CNTNAP5: variants seen among roughly 807,000 people sequenced by gnomAD.
CNTNAP5 encodes contactin-associated protein-like 5.
A neutral mutation model predicts 150.2 loss-of-function variants in CNTNAP5; 72 were observed. The observed-to-expected ratio is 0.48, with a 90% CI of 0.40 to 0.58. CNTNAP5 has a LOEUF of 0.58. Among genes scored for constraint, CNTNAP5 ranks in the 20% least tolerant of loss-of-function variants. CNTNAP5 has a pLI of 0.00. For synonymous variants in CNTNAP5, 672 were observed against 619.8 expected (o/e 1.08, Z -1.25); for missense variants, 1,636 against 1,626.2 (o/e 1.01, Z -0.10).
chr2:124,776,853 TG>T (rs1240882481), intron 17 of CNTNAP5, among the ~76,000 whole-genome samples: 1 of 152,222 alleles, frequency 6.6e-6, no homozygotes, highest in Admixed American at 6.5e-5. Flanking sequence ...AAGAAATAAT[TG>T]TTTTTTTAAC....
intron 6 of CNTNAP5, among the ~76,000 whole-genome samples, chr2:124,472,815 A>C (rs1372073127): frequency 6.6e-6 from 1 of 151,980 alleles, no homozygotes; most frequent in Non-Finnish European, 1.5e-5. Flanking sequence ...AATAAAGCTA[A>C]CACAGAGACA....
chr2:124,483,573 G>A (rs964991242), intron 7 of CNTNAP5, among the ~76,000 whole-genome samples: 2 of 152,140 alleles, frequency 1.3e-5, no homozygotes, highest in African/African-American at 4.8e-5. Context: ...TGTTGAATGT[G>A]CTGTCTGCCC....
At chr2:124,611,018 C>T (rs1009922867) in intron 12 of CNTNAP5, among the ~76,000 whole-genome samples, 1 of 129,546 alleles carries the variant, frequency 7.7e-6, no homozygotes, top group Non-Finnish European at 1.8e-5. Context: ...AATTGGCACA[C>T]GCACATTTTT....
intron 3 of CNTNAP5, among the ~76,000 whole-genome samples, chr2:124,278,003 G>T (rs1687924543): frequency 6.6e-6 from 1 of 152,152 alleles, no homozygotes; most frequent in Admixed American, 6.6e-5. Context: ...TAAGCTATCA[G>T]TGCCAGTTCC....
chr2:124,794,026 A>T (rs1240373740), intron 18 of CNTNAP5, among the ~76,000 whole-genome samples: 1 of 152,218 alleles, frequency 6.6e-6, no homozygotes, highest in Non-Finnish European at 1.5e-5. Flanking sequence ...TATAACTAAG[A>T]TAATTTTGCC....
intron 16 of CNTNAP5, among the ~76,000 whole-genome samples, chr2:124,765,025 C>A (rs576583705): frequency 6.6e-6 from 1 of 151,900 alleles, no homozygotes; most frequent in Non-Finnish European, 1.5e-5. Flanking sequence ...GTCCATTTAT[C>A]TTATATTGAG....
intron 21 of CNTNAP5, among the ~76,000 whole-genome samples, chr2:124,877,821 C>A (rs575892907): frequency 4.6e-5 from 7 of 151,958 alleles, no homozygotes; most frequent in Non-Finnish European, 1.0e-4. Context: ...CATGCTAATA[C>A]CAATAGTATC....
intron 12 of CNTNAP5, among the ~76,000 whole-genome samples, chr2:124,643,434 A>T (rs1573517804): frequency 6.6e-6 from 1 of 152,204 alleles, no homozygotes; most frequent in African/African-American, 2.4e-5. Flanking sequence ...AAGGAATTTC[A>T]GGAAATGCAA....
At chr2:124,066,491 C>T (rs958655167) in intron 1 of CNTNAP5, among the ~76,000 whole-genome samples, 1 of 152,026 alleles carries the variant, frequency 6.6e-6, no homozygotes, top group African/African-American at 2.4e-5. Flanking sequence ...GGCATACATT[C>T]TTCTATGTGG....
intron 9 of CNTNAP5, among the ~76,000 whole-genome samples, chr2:124,524,804 A>G (rs906529960): frequency 6.6e-6 from 1 of 152,210 alleles, no homozygotes. Context: ...AAAGTGTATC[A>G]AGAGTCAGCA....
At chr2:124,832,515 A>T (rs369961614) in intron 19 of CNTNAP5, among the ~76,000 whole-genome samples, 5 of 152,166 alleles carry the variant, frequency 3.3e-5, no homozygotes, top group Non-Finnish European at 5.9e-5. Flanking sequence ...TTTTTCCATG[A>T]CTAAACTTTA....
intron 7 of CNTNAP5, among the ~76,000 whole-genome samples, chr2:124,475,923 T>G (rs1693628943): frequency 6.6e-6 from 1 of 152,104 alleles, no homozygotes; most frequent in Admixed American, 6.6e-5. Flanking sequence ...CCTGTTTATT[T>G]TGTTTCCTGG....
chr2:124,685,045 A>G (rs1679159454), intron 13 of CNTNAP5, among the ~76,000 whole-genome samples: 1 of 152,092 alleles, frequency 6.6e-6, no homozygotes, highest in Non-Finnish European at 1.5e-5. Context: ...CATGCCTGCC[A>G]TAGGAATTAA....
chr2:124,026,292 C>T lies in CNTNAP5; in HGVS notation c.82+560C>T, dbSNP rs1033200802. ...GGAGTTTTGGCCTAAGAGTCATGGA[C>T]CAATGTTGTTAACCACAAGATCAAT... On this transcript the variant is annotated intron_variant, in intron 1 of 23. Coordinates refer to ENST00000682447, the MANE Select transcript of CNTNAP5 (RefSeq NM_001367498.1). Among the ~76,000 whole-genome samples, 22 of 152,150 alleles carry T rather than the reference C, an allele frequency of 1.4e-4. 1 individual carries two copies. The highest frequency in any genetic ancestry group is 4.3e-4 in the African/African-American group (18 of 41,430).
At chr2:124,325,246 A>T (rs1041051013) in intron 3 of CNTNAP5, among the ~76,000 whole-genome samples, 3 of 152,192 alleles carry the variant, frequency 2.0e-5, no homozygotes, top group Admixed American at 2.0e-4. Context: ...TTCTCACTAG[A>T]TATCAAACCT....
intron 1 of CNTNAP5, among the ~76,000 whole-genome samples, chr2:124,175,334 A>G (rs1032532532): frequency 1.3e-5 from 2 of 152,210 alleles, no homozygotes; most frequent in African/African-American, 4.8e-5. Context: ...ATGCTCCACA[A>G]AAGTTTGATT....
At chr2:124,136,182 C>T (rs555441592) in intron 1 of CNTNAP5, among the ~76,000 whole-genome samples, 1 of 152,248 alleles carries the variant, frequency 6.6e-6, no homozygotes, top group African/African-American at 2.4e-5. Context: ...TAGTCTATGT[C>T]TTTTCCAATG....
At chr2:124,218,383 C>G (rs773948000) in intron 1 of CNTNAP5, among the ~76,000 whole-genome samples, 2 of 152,136 alleles carry the variant, frequency 1.3e-5, no homozygotes, top group Non-Finnish European at 2.9e-5. Context: ...ACAGAAGTGA[C>G]AGAGGAAAAG....
At chr2:124,728,757 T>G (rs1680211193) in intron 13 of CNTNAP5, among the ~76,000 whole-genome samples, 1 of 152,000 alleles carries the variant, frequency 6.6e-6, no homozygotes, top group South Asian at 2.1e-4. Context: ...TTAATAAAAT[T>G]CTGAGGATTT....
Sources: gnomAD v4.1 joint callset for allele counts (sites outside exome capture counted in the v4.1 genomes callset) on GRCh38, gnomAD v4.1.1 for gene constraint, MANE v1.5 for transcripts, NCBI Gene and HGNC (gene_info 2026-07-23, HGNC 2026-07-21) for gene names.